The following FAM13B variants were observed in gnomAD, a reference collection of about 807,000 sequenced individuals.
FAM13B encodes protein FAM13B.
FAM13B carries 60 observed loss-of-function variants against 117.3 expected under a neutral mutation model. The observed-to-expected ratio is 0.51, with a 90% CI of 0.42 to 0.63. FAM13B has a LOEUF of 0.63. Among genes scored for constraint, FAM13B ranks in the 30% least tolerant of loss-of-function variants. The pLI is 0.00. For missense variants in FAM13B, 972 were observed against 1,091.9 expected, an observed-to-expected ratio of 0.89 and a Z score of 1.55; for synonymous variants, 332 against 356.1, an observed-to-expected ratio of 0.93 and a Z score of 0.76.
intron 7 of FAM13B, among the ~76,000 whole-genome samples, chr5:138,004,662 G>A (rs937953102): frequency 1.3e-5 from 2 of 152,170 alleles, no homozygotes; most frequent in Admixed American, 6.5e-5. Flanking sequence ...GCTCACACCT[G>A]TAAGCCCAGG....
rs551596536 is a variant in FAM13B at position 137,964,597 on chromosome 5, T to C, written c.1180-2128A>G. On this transcript the variant is annotated intron_variant, in intron 10 of 23. Transcript: ENST00000689681. Reference sequence around the variant, plus strand: ...TTAGCCGGGCGTGGTAGCACACACCTGTAGTCCCAGCTACTCGGGAGACTG... The same window carrying C: ...TTAGCCGGGCGTGGTAGCACACACCCGTAGTCCCAGCTACTCGGGAGACTG... 9.2e-5 allele frequency among the ~76,000 whole-genome samples: 14 copies of C among 151,706 alleles called. No homozygotes were observed. The East Asian group carries it at 2.8e-3, about 30-fold the overall frequency.
chr5:138,038,663 T>G (rs1791373638), intron 1 of FAM13B: 1 of 152,210 alleles, frequency 6.6e-6, no homozygotes. Flanking sequence ...CAAGAATGTG[T>G]GTTTTTCATA....
At chr5:138,030,849 C>A (rs1466362458) in intron 1 of FAM13B, among the ~76,000 whole-genome samples, 3 of 151,526 alleles carry the variant, frequency 2.0e-5, no homozygotes, top group Non-Finnish European at 4.4e-5. Flanking sequence ...GCCTGGGCAA[C>A]ATGGCAAAAC....
At chr5:138,032,413 T>G (rs1790339015) in intron 1 of FAM13B, among the ~76,000 whole-genome samples, 1 of 152,126 alleles carries the variant, frequency 6.6e-6, no homozygotes, top group East Asian at 1.9e-4. Context: ...ATGAAGGAAG[T>G]GGGCGGGGAA....
chr5:138,041,566 A>C (rs1791501049), intron 1 of FAM13B, among the ~76,000 whole-genome samples: 1 of 152,268 alleles, frequency 6.6e-6, no homozygotes, highest in Non-Finnish European at 1.5e-5. Flanking sequence ...AAGGAGGACA[A>C]ATAGTAAAAC....
At chr5:138,013,252 A>T (rs1179322045) in intron 4 of FAM13B, among the ~76,000 whole-genome samples, 3 of 152,050 alleles carry the variant, frequency 2.0e-5, no homozygotes, top group Admixed American at 6.6e-5. Flanking sequence ...CTGTAATCCC[A>T]GCACTTTGGG....
At chr5:138,024,584 A>AG (rs1482894571) in intron 1 of FAM13B, among the ~76,000 whole-genome samples, 2 of 151,266 alleles carry the variant, frequency 1.3e-5, no homozygotes, top group Admixed American at 6.6e-5. Flanking sequence ...CATTCTAAAA[A>AG]AAAAAAAGAA....
chr5:137,957,540 CAAA>C (rs35104775), intron 13 of FAM13B, among the ~76,000 whole-genome samples: 9 of 55,416 alleles, frequency 1.6e-4, no homozygotes, highest in Admixed American at 3.6e-4. Context: ...AACTCCGTCT[CAAA>C]AAAAAAAAAA....
intron 6 of FAM13B, among the ~76,000 whole-genome samples, chr5:138,007,496 C>CA (rs1351760799): frequency 1.3e-5 from 2 of 152,164 alleles, no homozygotes; most frequent in Admixed American, 1.3e-4. Context: ...GTAACACTTA[C>CA]AACAGACTTT....
chr5:137,997,934 T>G (rs966764715), intron 7 of FAM13B, among the ~76,000 whole-genome samples: 19 of 152,226 alleles, frequency 1.2e-4, no homozygotes, highest in African/African-American at 4.6e-4. Context: ...GTGCCTTGGC[T>G]TCCTACATAA....
chr5:137,962,663 T>C (rs534284727), intron 10 of FAM13B, among the ~76,000 whole-genome samples, 194 bp from the exon 11 acceptor site: 1 of 152,204 alleles, frequency 6.6e-6, no homozygotes, highest in Non-Finnish European at 1.5e-5. Flanking sequence ...CTGGGTCATA[T>C]GAAGTATAGC....
chr5:137,951,759 T>C (rs1328867664), intron 17 of FAM13B, among the ~76,000 whole-genome samples: 1 of 152,118 alleles, frequency 6.6e-6, no homozygotes, highest in Non-Finnish European at 1.5e-5. Context: ...GGGGGATCGC[T>C]TGAGCCCAAG....
Position 138,018,319 on chromosome 5 carries a change from A to T in FAM13B, c.353T>A (p.Leu118Ter). 6.2e-7 allele frequency: 1 copy of T among 1,614,022 alleles called. No homozygotes were observed. The highest frequency in any genetic ancestry group is 8.5e-7 in the Non-Finnish European group (1 of 1,179,878). The change falls in exon 4 of 24, where the codon TTG becomes TAG. Residue 118 changes from leucine (L) to a stop codon, truncating the protein, a stop_gained. Transcript: ENST00000689681. LOFTEE classifies it high-confidence loss of function. ...PVIPGSLHIHLMQLSQDYNNE... is the reference protein window; with the variant it reads ...PVIPGSLHIH ...TATGTTACCTTGAGAAAGCTGCATC[A>T]AGTGAATATGTAAACTGCCAGGGAT... is the stretch of plus-strand genomic sequence containing the variant.
At chr5:138,033,686 G>C (rs1790766609), upstream of FAM13B, 1 of 152,430 alleles carries the variant, frequency 6.6e-6, no homozygotes, top group South Asian at 2.1e-4. Context: ...GCCAGCTGCG[G>C]AGGCAGAGCT....
At chr5:137,959,898 T>A (rs1767665051) in intron 12 of FAM13B, 135 bp from the exon 13 acceptor site, 1 of 785,260 alleles carries the variant, frequency 1.3e-6, no homozygotes, top group Non-Finnish European at 2.0e-6. Context: ...CCACTCCCAC[T>A]GTGCAAACTA....
chr5:138,024,137 T>G (rs1787535110), intron 1 of FAM13B, among the ~76,000 whole-genome samples: 1 of 151,852 alleles, frequency 6.6e-6, no homozygotes, highest in African/African-American at 2.4e-5. Flanking sequence ...TTGAATAGTG[T>G]CCCCCCCAAA....
At chr5:138,040,367 A>G (rs1205813143) in intron 1 of FAM13B, among the ~76,000 whole-genome samples, 2 of 151,730 alleles carry the variant, frequency 1.3e-5, no homozygotes, top group Admixed American at 1.3e-4. Flanking sequence ...CAGGAATTCC[A>G]GACCAGCCTG....
At chr5:137,974,227 T>C (rs1179566329) in intron 10 of FAM13B, among the ~76,000 whole-genome samples, 3 of 151,532 alleles carry the variant, frequency 2.0e-5, no homozygotes, top group African/African-American at 4.9e-5. Context: ...AATGATAGAC[T>C]GGATTAAGAA....
intron 10 of FAM13B, among the ~76,000 whole-genome samples, chr5:137,969,896 G>A (rs561664781): frequency 6.6e-6 from 1 of 152,172 alleles, no homozygotes. Flanking sequence ...GAAGCGAGAA[G>A]GGAAGTTTAG....
Sources: allele counts gnomAD v4.1 joint callset (sites outside exome capture counted in the v4.1 genomes callset), GRCh38; gene constraint gnomAD v4.1.1; transcripts MANE v1.5; gene names NCBI Gene and HGNC (gene_info 2026-07-23, HGNC 2026-07-21).